OOEP: variants seen among roughly 807,000 people sequenced by gnomAD.
OOEP encodes oocyte expressed protein.
Under a neutral mutation model 13.7 loss-of-function variants are expected in OOEP, and 16 were observed. That is an observed-to-expected ratio of 1.16 (90% CI 0.79 to 1.77). OOEP has a LOEUF of 1.77. OOEP is among the 40% of genes most tolerant of loss of function. The pLI, the probability that OOEP is intolerant of heterozygous loss-of-function variation, is 0.00. For synonymous variants in OOEP, 89 were observed against 77.1 expected, an observed-to-expected ratio of 1.15 and a Z score of -0.81; for missense variants, 195 against 193.1, an observed-to-expected ratio of 1.01 and a Z score of -0.06.
chr6:73,389,326 C>T (rs1026632952), intron 2 of OOEP, among the ~76,000 whole-genome samples: 1 of 152,096 alleles, frequency 6.6e-6, no homozygotes, highest in African/African-American at 2.4e-5. Flanking sequence ...TCAGGTCACA[C>T]CCGAGGCAAA....
chr6:73,376,941 T>G (rs1282797950), intron 2 of OOEP, among the ~76,000 whole-genome samples: 1 of 152,204 alleles, frequency 6.6e-6, no homozygotes, highest in Non-Finnish European at 1.5e-5. Context: ...CGTGAGCCAC[T>G]GCACCCAGCC....
intron 2 of OOEP, among the ~76,000 whole-genome samples, chr6:73,378,341 G>A (rs1177013385): frequency 2.6e-5 from 4 of 151,856 alleles, no homozygotes; most frequent in Non-Finnish European, 5.9e-5. Flanking sequence ...CTGAGCTCGA[G>A]CAATCCACCC....
Position 73,369,544 on chromosome 6 carries a change from TG to T in OOEP, c.190+58del, listed in dbSNP as rs1769011325. 3.9e-6 allele frequency: 6 copies of T among 1,558,064 alleles called. No individual in the cohort carries two copies. The South Asian group carries it at 6.9e-5, about 18-fold the overall frequency. ...GGAAAGAGACTGTAGAGAGCTGCTC[TG>T]CCAAGCCTCTCTCAGACTGGAGGTG... On this transcript the variant is annotated intron_variant, in intron 1 of 2. Coordinates refer to ENST00000370359, the MANE Select transcript of OOEP (RefSeq NM_001080507.3).
intron 2 of OOEP, among the ~76,000 whole-genome samples, chr6:73,374,933 C>A (rs1248896702): frequency 2.0e-5 from 3 of 152,220 alleles, no homozygotes; most frequent in Non-Finnish European, 4.4e-5. Context: ...TCAAGCTATT[C>A]TCCTGCCACA....
exon 1 of OOEP, chr6:73,394,853 A>T (rs910486190): frequency 5.7e-6 from 9 of 1,592,202 alleles, no homozygotes; most frequent in Admixed American, 1.7e-5. Flanking sequence ...CGTCACGGTC[A>T]GGTGGTGCAG....
At chr6:73,375,827 T>C (rs1416308000) in intron 2 of OOEP, among the ~76,000 whole-genome samples, 1 of 148,124 alleles carries the variant, frequency 6.8e-6, no homozygotes, top group Non-Finnish European at 1.5e-5. Context: ...AGTCTCACTC[T>C]GTTGCATAGG....
upstream of OOEP, among the ~76,000 whole-genome samples, chr6:73,372,399 G>C (rs1018854030): frequency 1.3e-5 from 2 of 152,138 alleles, no homozygotes; most frequent in Non-Finnish European, 1.5e-5. Flanking sequence ...CTCAGGTGTA[G>C]CCCAACAGTG....
At chr6:73,385,028 A>G (rs1769249771) in intron 2 of OOEP, among the ~76,000 whole-genome samples, 1 of 147,166 alleles carries the variant, frequency 6.8e-6, no homozygotes, top group African/African-American at 2.5e-5. Flanking sequence ...TAGCCACCAC[A>G]CCCAGCCTCA....
chr6:73,388,917 G>A (rs998936914), intron 2 of OOEP, among the ~76,000 whole-genome samples: 1 of 152,114 alleles, frequency 6.6e-6, no homozygotes, highest in Non-Finnish European at 1.5e-5. Context: ...GCCTGGCGGA[G>A]TCGGAGGAAT....
chr6:73,370,355 C>T (rs544702865), upstream of OOEP, among the ~76,000 whole-genome samples: 17 of 152,288 alleles, frequency 1.1e-4, no homozygotes, highest in Admixed American at 6.5e-4. Context: ...TTAAACAACA[C>T]GTCAGAGGTG....
chr6:73,385,676 G>A (rs746578654), intron 2 of OOEP, among the ~76,000 whole-genome samples: 6 of 150,154 alleles, frequency 4.0e-5, no homozygotes, highest in South Asian at 2.1e-4. Context: ...CAACCTCCAC[G>A]TTCTGAGTTC....
rs369128752 is a variant in OOEP at position 73,395,051 on chromosome 6, G to C, written c.-451C>G. 11 of 1,614,120 alleles carry C rather than the reference G, an allele frequency of 6.8e-6. No homozygotes were observed. The highest frequency in any genetic ancestry group is 9.3e-6 in the Non-Finnish European group (11 of 1,180,032). On this transcript the variant is annotated 5_prime_UTR_variant, in exon 1 of 4. Transcript: ENST00000370363. ...GAGGGATATAGTGTCGGCAGAGGTG[G>C]TCGCTGGAGAGGCACCTCTAGGCCC...
At chr6:73,369,447 AGGGAAT>A (rs1769009523) in intron 1 of OOEP, 62 bp from the exon 2 acceptor site, 2 of 1,555,774 alleles carry the variant, frequency 1.3e-6, no homozygotes. Context: ...CTGGATTTGA[AGGGAAT>A]GTTGGCCAGG....
At chr6:73,388,181 A>T (rs1405593057) in intron 2 of OOEP, among the ~76,000 whole-genome samples, 2 of 152,182 alleles carry the variant, frequency 1.3e-5, no homozygotes, top group Non-Finnish European at 2.9e-5. Flanking sequence ...TGGGCCTGAC[A>T]ACAATGGAAT....
At chr6:73,393,988 A>G (rs748553820) in intron 2 of OOEP, among the ~76,000 whole-genome samples, 2 of 152,170 alleles carry the variant, frequency 1.3e-5, no homozygotes, top group Non-Finnish European at 2.9e-5. Flanking sequence ...TGAAAACCCA[A>G]TCACACTTAT....
At chr6:73,373,279 C>T (rs2150779512), upstream of OOEP, 1 of 1,588,184 alleles carries the variant, frequency 6.3e-7, no homozygotes, top group South Asian at 1.1e-5. Flanking sequence ...GCAGCGGAGT[C>T]AAGAACACAC....
intron 2 of OOEP, among the ~76,000 whole-genome samples, chr6:73,383,638 A>G (rs905860090): frequency 6.6e-6 from 1 of 152,190 alleles, no homozygotes; most frequent in Non-Finnish European, 1.5e-5. Context: ...CCATCTCAGA[A>G]TAAAATAAAA....
Position 73,368,663 on chromosome 6 carries a change from A to G in OOEP, c.*121T>C. ...ACTCACTCTTGCAACAAAATAAACC[A>G]CAATCCATCAAGACACAGGAAAAAG... On this transcript the variant is annotated 3_prime_UTR_variant, in exon 3 of 3. Coordinates refer to ENST00000370359, the MANE Select transcript of OOEP (RefSeq NM_001080507.3). The G allele has an allele frequency of 1.5e-6, 1 of 678,106 alleles. No homozygotes were observed. 42.0% of individuals were successfully genotyped at this position (678,106 alleles called of 1,614,324 possible).
At position 73,393,115 on chromosome 6, in the gene OOEP, A is replaced by T. The variant is rs549351886; in HGVS notation, c.25+1231T>A. On this transcript the variant is annotated intron_variant, in intron 2 of 3. Transcript: ENST00000370363. The stretch of plus-strand genomic sequence containing the variant: ...GGATGATTGAACTGAAAAAAAAAAA[A>T]TTTTTTTTTTTTGAGACAGGGTCTC... 2.7e-3 allele frequency among the ~76,000 whole-genome samples: 377 copies of T among 140,204 alleles called. 2 individuals are homozygous for T. The highest frequency in any genetic ancestry group is 8.8e-3 in the African/African-American group (347 of 39,508). 92.0% of individuals were successfully genotyped at this position (140,204 alleles called of 152,430 possible).
Sources: allele counts gnomAD v4.1 joint callset (sites outside exome capture counted in the v4.1 genomes callset), GRCh38; gene constraint gnomAD v4.1.1; transcripts MANE v1.5; gene names NCBI Gene and HGNC (gene_info 2026-07-23, HGNC 2026-07-21).